HTR4: variants seen among roughly 807,000 people sequenced by gnomAD.
HTR4 encodes 5-hydroxytryptamine (serotonin) receptor 4, G protein-coupled.
In HTR4, 16 loss-of-function variants were observed where a neutral mutation model predicts 36.8. The observed-to-expected ratio is 0.43, with a 90% confidence interval of 0.29 to 0.66. HTR4 has a LOEUF of 0.66. HTR4 is among the 30% of genes least tolerant of loss of function. The probability of loss-of-function intolerance (pLI) is 0.13; values close to 1 mark genes in which losing one functional copy is unlikely to be tolerated. For synonymous variants in HTR4, 189 were observed against 185.1 expected (o/e 1.02, Z -0.17); for missense variants, 438 against 490.9 (o/e 0.89, Z 1.02).
At chr5:148,611,495 C>T (rs1317420692) in intron 2 of HTR4, among the ~76,000 whole-genome samples, 1 of 130,596 alleles carries the variant, frequency 7.7e-6, no homozygotes, top group Non-Finnish European at 1.6e-5. Context: ...TTTGTCACCA[C>T]CAGGCCTGCC....
At chr5:148,608,148 T>G (rs1752258427) in intron 2 of HTR4, among the ~76,000 whole-genome samples, 2 of 152,186 alleles carry the variant, frequency 1.3e-5, no homozygotes, top group Non-Finnish European at 2.9e-5. Flanking sequence ...AAGGCTACTT[T>G]GGAGCCAACA....
rs746263123 is a variant in HTR4 at position 148,523,286 on chromosome 5, G to A, written c.414C>T (p.Ile138=). Residue 138 remains isoleucine, a synonymous_variant, in exon 5 of 7, where the codon ATC becomes ATT. Transcript: ENST00000377888. ...VYRNKMTPLR[I]ALMLGGCWVI... ...CCCAGCAGCCTCCCAGCATTAATGC[G>A]ATGCGCAGAGGGGTCATCTTGTTCC... 6.2e-6 allele frequency: 10 copies of A among 1,613,144 alleles called. No homozygotes were observed. Among genetic ancestry groups the A allele is most frequent in the African/African-American group, 2.7e-5 (2 of 74,862 alleles).
At chr5:148,465,407 T>C (rs1396628850) in intron 5 of HTR4, among the ~76,000 whole-genome samples, 1 of 152,128 alleles carries the variant, frequency 6.6e-6, no homozygotes, top group East Asian at 1.9e-4. Context: ...AAGTAGTCTC[T>C]TTAGAAAACT....
chr5:148,555,164 C>G (rs12055273), intron 2 of HTR4, among the ~76,000 whole-genome samples: 4 of 152,022 alleles, frequency 2.6e-5, no homozygotes, highest in Middle Eastern at 3.4e-3. Context: ...TGTTTTAGGT[C>G]GCTTTTTTGT....
rs140020637 is a variant in HTR4 at position 148,592,744 on chromosome 5, G to T, written c.27-42482C>A. 5.2e-3 allele frequency among the ~76,000 whole-genome samples: 789 copies of T among 150,466 alleles called. 10 individuals carry two copies. Among genetic ancestry groups the T allele is most frequent in the African/African-American group, 0.018 (754 of 40,904 alleles). On this transcript the variant is annotated intron_variant, in intron 2 of 6. Transcript: ENST00000377888. ...CCCCAATTCATCCTATTTGATTTTT[G>T]TGTCTCATACGAAATATAAACTAAT... is the stretch of plus-strand genomic sequence containing the variant.
intron 2 of HTR4, among the ~76,000 whole-genome samples, chr5:148,616,219 G>T (rs1204334773): frequency 6.6e-6 from 1 of 152,132 alleles, no homozygotes; most frequent in African/African-American, 2.4e-5. Flanking sequence ...AAGGGAAAAG[G>T]CACACTTATT....
At chr5:148,560,001 C>T (rs184228329) in intron 2 of HTR4, among the ~76,000 whole-genome samples, 156 of 152,112 alleles carry the variant, frequency 1.0e-3, no homozygotes, top group South Asian at 6.0e-3. Context: ...GTGTGGTCTT[C>T]ATTTGTTTCC....
intron 6 of HTR4, among the ~76,000 whole-genome samples, chr5:148,497,611 A>G (rs768884304): frequency 1.7e-4 from 26 of 152,274 alleles, no homozygotes; most frequent in Middle Eastern, 3.4e-3. Flanking sequence ...CTCTGCCACT[A>G]TGTGCACTAT....
chr5:148,647,778 G>A (rs1327504376), intron 1 of HTR4, among the ~76,000 whole-genome samples: 1 of 152,198 alleles, frequency 6.6e-6, no homozygotes, highest in Non-Finnish European at 1.5e-5. Flanking sequence ...GAACCCCGGA[G>A]GCGAAGGTTT....
chr5:148,544,314 TCTCTCCACCTCTCTTTCTCTC>T (rs1759272266), intron 4 of HTR4, among the ~76,000 whole-genome samples: 1 of 150,956 alleles, frequency 6.6e-6, no homozygotes, highest in Non-Finnish European at 1.5e-5. Context: ...TCTTTCTCTC[TCTCTCCACCTCTCTTTCTCTC>T]TCTCTCCACA....
chr5:148,631,286 C>A (rs1441246235), intron 2 of HTR4, among the ~76,000 whole-genome samples: 1 of 152,110 alleles, frequency 6.6e-6, no homozygotes, highest in Non-Finnish European at 1.5e-5. Context: ...ATTTACATTT[C>A]TAAAGCAACA....
chr5:148,542,909 C>T (rs1292816152), intron 4 of HTR4, among the ~76,000 whole-genome samples: 1 of 152,146 alleles, frequency 6.6e-6, no homozygotes, highest in Non-Finnish European at 1.5e-5. Context: ...ACCCATCTTT[C>T]CAGTGAGAAC....
intron 2 of HTR4, among the ~76,000 whole-genome samples, chr5:148,552,494 CCTT>C (rs1376501625): frequency 6.6e-6 from 1 of 152,152 alleles, no homozygotes; most frequent in Non-Finnish European, 1.5e-5. Context: ...TCTTCCCTGT[CCTT>C]CTTAGAGACT....
chr5:148,451,760 A>G (rs191079411), intron 5 of HTR4, among the ~76,000 whole-genome samples: 4 of 152,350 alleles, frequency 2.6e-5, no homozygotes, highest in African/African-American at 9.6e-5. Flanking sequence ...CATTTGGAAC[A>G]GTAAATCAAT....
intron 2 of HTR4, among the ~76,000 whole-genome samples, chr5:148,558,469 A>G (rs551117540): frequency 1.8e-4 from 28 of 152,164 alleles, no homozygotes; most frequent in Non-Finnish European, 1.5e-4. Context: ...TGAGATGTAA[A>G]TGAAAGATAC....
At chr5:148,468,381 G>A (rs1408875020) in intron 5 of HTR4, among the ~76,000 whole-genome samples, 42 of 152,146 alleles carry the variant, frequency 2.8e-4, no homozygotes, top group Admixed American at 2.7e-3. Context: ...CTGTACTCTG[G>A]CAGGAACTCT....
At chr5:148,555,223 A>ACAC (rs982372072) in intron 2 of HTR4, among the ~76,000 whole-genome samples, 2 of 152,068 alleles carry the variant, frequency 1.3e-5, no homozygotes, top group Non-Finnish European at 2.9e-5. Flanking sequence ...TTCTCCATCA[A>ACAC]CACCACCACC....
At chr5:148,498,461 C>A (rs889573173) in intron 6 of HTR4, among the ~76,000 whole-genome samples, 1 of 152,060 alleles carries the variant, frequency 6.6e-6, no homozygotes. Flanking sequence ...ATCAGGAACA[C>A]CTTTCATCAG....
At chr5:148,531,640 C>A (rs1180865820) in intron 4 of HTR4, among the ~76,000 whole-genome samples, 1 of 152,112 alleles carries the variant, frequency 6.6e-6, no homozygotes, top group Non-Finnish European at 1.5e-5. Context: ...TTGGAATTCA[C>A]CAGGTCCTAC....
Sources: allele counts gnomAD v4.1 joint callset (sites outside exome capture counted in the v4.1 genomes callset), GRCh38; gene constraint gnomAD v4.1.1; transcripts MANE v1.5; gene names NCBI Gene and HGNC (gene_info 2026-07-23, HGNC 2026-07-21).